PARD3B: variants seen among roughly 807,000 people sequenced by gnomAD.
The protein encoded by PARD3B is par-3 family cell polarity regulator beta.
PARD3B carries 103 observed loss-of-function variants against 130.2 expected under a neutral mutation model. That is an observed-to-expected ratio of 0.79 (90% CI 0.67 to 0.93). The LOEUF (loss-of-function observed/expected upper bound fraction) is 0.93, where lower values mean the gene tolerates loss of function less well. Among genes scored for constraint, PARD3B ranks in the 40% least tolerant of loss-of-function variants. The pLI, the probability that PARD3B is intolerant of heterozygous loss-of-function variation, is 0.00. For missense variants in PARD3B, 1,609 were observed against 1,499.2 expected (o/e 1.07, Z -1.21); for synonymous variants, 583 against 553.2 (o/e 1.05, Z -0.76).
intron 2 of PARD3B, among the ~76,000 whole-genome samples, chr2:204,721,752 T>C (rs368388711): frequency 1.3e-5 from 2 of 152,276 alleles, no homozygotes; most frequent in South Asian, 4.2e-4. Flanking sequence ...ATTATGTGAT[T>C]CCTTTGTATT....
intron 21 of PARD3B, among the ~76,000 whole-genome samples, chr2:205,522,179 C>T (rs1189457229): frequency 6.7e-6 from 1 of 149,910 alleles, no homozygotes; most frequent in Admixed American, 6.6e-5. Context: ...ATTATTGTTT[C>T]CTTAAAAACA....
intron 18 of PARD3B, among the ~76,000 whole-genome samples, chr2:205,331,708 A>G (rs188807565): frequency 2.2e-4 from 29 of 130,082 alleles, no homozygotes; most frequent in African/African-American, 6.3e-4. Context: ...GCTTGAACCC[A>G]GGCAGCGGAG....
intron 15 of PARD3B, among the ~76,000 whole-genome samples, chr2:205,199,800 C>A (rs1275896950): frequency 6.6e-6 from 1 of 152,038 alleles, no homozygotes; most frequent in Non-Finnish European, 1.5e-5. Context: ...CATCCCTGTG[C>A]ACTAAAAGGC....
chr2:205,389,017 G>C (rs1241984518), intron 18 of PARD3B, among the ~76,000 whole-genome samples: 1 of 152,194 alleles, frequency 6.6e-6, no homozygotes, highest in East Asian at 1.9e-4. Context: ...AGAAACGAAT[G>C]GAGATCCTTG....
intron 20 of PARD3B, among the ~76,000 whole-genome samples, chr2:205,495,976 G>A (rs1462253411): frequency 6.6e-6 from 1 of 152,062 alleles, no homozygotes; most frequent in Non-Finnish European, 1.5e-5. Context: ...TGAGGTTCTA[G>A]GCTAAAAGAA....
chr2:205,616,924 T>C lies in PARD3B; in HGVS notation c.*1111T>C, dbSNP rs1340532006. On this transcript the variant is annotated 3_prime_UTR_variant, in exon 23 of 23. Transcript: ENST00000406610. ...GAGAGAGAGAGTATGTGTGTGTGTG[T>C]GTATGTGTGTGTTCGAACACATATG... 1.3e-5 allele frequency: 2 copies of C among 154,368 alleles called. No homozygotes were observed. Among genetic ancestry groups the C allele is most frequent in the East Asian group, 3.9e-4 (2 of 5,182 alleles). The allele number at this position is 154,368 out of a possible 1,614,324, so 9.6% of individuals were successfully genotyped here. A position where few individuals can be genotyped will look rare whatever the true frequency, so the allele number is the denominator to read the frequency against.
chr2:204,773,221 C>A (rs951766162), intron 2 of PARD3B, among the ~76,000 whole-genome samples: 4 of 151,766 alleles, frequency 2.6e-5, no homozygotes, highest in Non-Finnish European at 4.4e-5. Context: ...CACCATTTTC[C>A]TCTCTACCAT....
At chr2:205,144,273 T>C (rs1241037881) in intron 10 of PARD3B, among the ~76,000 whole-genome samples, 1 of 152,210 alleles carries the variant, frequency 6.6e-6, no homozygotes, top group Non-Finnish European at 1.5e-5. Flanking sequence ...AATTCATAGC[T>C]TGGAGGCAAG....
At chr2:204,848,880 T>C (rs1006216415) in intron 2 of PARD3B, among the ~76,000 whole-genome samples, 3 of 152,124 alleles carry the variant, frequency 2.0e-5, no homozygotes, top group African/African-American at 7.2e-5. Context: ...TTGTTTTGTT[T>C]CTCATTTAGA....
At chr2:205,245,890 T>C in intron 16 of PARD3B, 68 bp downstream of exon 16, 1 of 1,329,950 alleles carries the variant, frequency 7.5e-7, no homozygotes, top group Non-Finnish European at 1.1e-6. Context: ...TTAGTAGCAG[T>C]TGGAACCTGT....
chr2:205,085,434 AC>A (rs1701685958), intron 4 of PARD3B, among the ~76,000 whole-genome samples: 2 of 152,006 alleles, frequency 1.3e-5, no homozygotes, highest in Admixed American at 6.6e-5. Flanking sequence ...AATCTTTAGA[AC>A]TTTTTTCTTA....
intron 2 of PARD3B, among the ~76,000 whole-genome samples, chr2:204,762,425 G>A (rs1237445836): frequency 6.6e-6 from 1 of 151,968 alleles, no homozygotes; most frequent in Admixed American, 6.6e-5. Context: ...CGCCCAACCC[G>A]AATGGCAAAG....
At position 205,440,798 on chromosome 2, in the gene PARD3B, C is replaced by T. The variant is rs1328490485; in HGVS notation, c.3044+126C>T. 1 of 991,274 alleles carries T rather than the reference C, an allele frequency of 1.0e-6. No homozygotes were observed. Among genetic ancestry groups the T allele is most frequent in the African/African-American group, 1.6e-5 (1 of 60,830 alleles). 61.4% of individuals were successfully genotyped at this position (991,274 alleles called of 1,614,324 possible). On this transcript the variant is annotated intron_variant, in intron 20 of 22. Transcript: ENST00000406610. The surrounding 1 kb of genome is among the most constrained non-coding windows in gnomAD (Gnocchi z 4.2). Reference sequence around the variant, plus strand: ...AACTGAAACGAGTCAGTACCCTAGACAAGTGCCATCCTTTGACCGACCTGT... The same window carrying T: ...AACTGAAACGAGTCAGTACCCTAGATAAGTGCCATCCTTTGACCGACCTGT...
rs1298451651 is a variant in PARD3B, at chr2:205,054,404, TTATATA to T, written c.504+6742_504+6747del. Among the ~76,000 whole-genome samples, 74 of 33,802 alleles carry T rather than the reference TTATATA, an allele frequency of 2.2e-3. 1 individual carries two copies. Among genetic ancestry groups the T allele is most frequent in the South Asian group, 4.5e-3 (2 of 442 alleles). The allele number at this position is 33,802 out of a possible 152,430, so 22.2% of individuals were successfully genotyped here. ...TAACAAGGTAACCATGACATGTCTT[TTATATA>T]TATATATATATATATATATATATAT... On this transcript the variant is annotated intron_variant, in intron 4 of 22. Coordinates refer to ENST00000406610, the MANE Select transcript of PARD3B (RefSeq NM_001302769.2).
At chr2:204,784,804 C>T (rs1215962530) in intron 2 of PARD3B, among the ~76,000 whole-genome samples, 1 of 152,136 alleles carries the variant, frequency 6.6e-6, no homozygotes, top group Non-Finnish European at 1.5e-5. Context: ...CTTTCCTTGA[C>T]AAAGATGAGA....
chr2:205,393,608 G>T (rs1331739275), intron 18 of PARD3B, among the ~76,000 whole-genome samples: 2 of 152,198 alleles, frequency 1.3e-5, no homozygotes, highest in Non-Finnish European at 2.9e-5. Flanking sequence ...AAGAGTGAAT[G>T]AACTTTTTCC....
chr2:205,041,766 T>C (rs1698411418), intron 3 of PARD3B, among the ~76,000 whole-genome samples: 1 of 152,086 alleles, frequency 6.6e-6, no homozygotes, highest in Non-Finnish European at 1.5e-5. Flanking sequence ...CCCCATACAA[T>C]TTAGAACATG....
At chr2:204,794,783 C>T (rs1406919177) in intron 2 of PARD3B, among the ~76,000 whole-genome samples, 1 of 152,190 alleles carries the variant, frequency 6.6e-6, no homozygotes, top group Non-Finnish European at 1.5e-5. Flanking sequence ...TGAGTTGGTA[C>T]AAGCCAGCTT....
intron 1 of PARD3B, among the ~76,000 whole-genome samples, chr2:204,641,276 A>G (rs1256111735): frequency 6.6e-6 from 1 of 151,122 alleles, no homozygotes; most frequent in Non-Finnish European, 1.5e-5. Flanking sequence ...ATGAGCAGGC[A>G]TTTGGTTGGA....
Sources: allele counts gnomAD v4.1 joint callset (sites outside exome capture counted in the v4.1 genomes callset), GRCh38; gene constraint gnomAD v4.1.1; non-coding constraint Gnocchi (gnomAD v3.1); transcripts MANE v1.5; gene names NCBI Gene and HGNC (gene_info 2026-07-23, HGNC 2026-07-21).